The following DNMBP variants were observed in gnomAD, a reference collection of about 807,000 sequenced individuals.
The protein encoded by DNMBP is dynamin binding protein, also known as dynamin-binding protein.
In DNMBP, 87 loss-of-function variants were observed where a neutral mutation model predicts 150.0. That is an observed-to-expected ratio of 0.58 (90% confidence interval 0.49 to 0.69). DNMBP has a LOEUF of 0.69. DNMBP is among the 30% of genes least tolerant of loss of function. The pLI, the probability that DNMBP is intolerant of heterozygous loss-of-function variation, is 0.00. For synonymous variants in DNMBP, 711 were observed against 750.4 expected (o/e 0.95, Z 0.86); for missense variants, 1,774 against 1,949.0 (o/e 0.91, Z 1.69).
At chr10:99,980,858 T>C (rs1043589368) in intron 1 of DNMBP, among the ~76,000 whole-genome samples, 2 of 152,036 alleles carry the variant, frequency 1.3e-5, no homozygotes, top group Non-Finnish European at 2.9e-5. Context: ...GGACAAATAC[T>C]GCATGAATGA....
chr10:99,880,125 C>A lies in DNMBP; in HGVS notation c.4234G>T (p.Glu1412Ter). The A allele has an allele frequency of 6.2e-7, 1 of 1,614,174 alleles. No homozygotes were observed. The highest frequency in any genetic ancestry group is 8.5e-7 in the Non-Finnish European group (1 of 1,180,028). Residue 1412 changes from glutamate (E) to a stop codon, truncating the protein, a stop_gained, in exon 16 of 17, where the codon GAA becomes TAA. Transcript: ENST00000324109. LOFTEE classifies it high-confidence loss of function. ...QPQDASPPPK[E>*]CDQGTLSASL... Reference sequence around the variant, plus strand: ...GCACTGAGAGTTCCTTGGTCACATTCTTTTGGCGGAGGAGATGCATCTTGA... The same window carrying A: ...GCACTGAGAGTTCCTTGGTCACATTATTTTGGCGGAGGAGATGCATCTTGA...
At chr10:99,930,199 C>T (rs1418926817) in intron 4 of DNMBP, 3 of 702,774 alleles carry the variant, frequency 4.3e-6, no homozygotes. Context: ...CAACAATCCT[C>T]AAGATTATGG....
chr10:99,913,192 G>C (rs753163426), intron 4 of DNMBP, among the ~76,000 whole-genome samples: 2 of 152,112 alleles, frequency 1.3e-5, no homozygotes, highest in African/African-American at 4.8e-5. Context: ...TTCACCCCCA[G>C]CCAGCTGTGG....
chr10:99,960,669 G>T (rs191053022), intron 3 of DNMBP, among the ~76,000 whole-genome samples: 37 of 152,222 alleles, frequency 2.4e-4, no homozygotes, highest in Admixed American at 1.8e-3. Flanking sequence ...AGCCAGGTGG[G>T]GGGGTGCACG....
At chr10:99,959,013 C>T (rs762837834) in intron 3 of DNMBP, among the ~76,000 whole-genome samples, 1 of 152,184 alleles carries the variant, frequency 6.6e-6, no homozygotes, top group Non-Finnish European at 1.5e-5. Flanking sequence ...TTGTGTAAGG[C>T]TGGATTTTCT....
chr10:99,949,299 T>C (rs1451130067), intron 4 of DNMBP, among the ~76,000 whole-genome samples: 1 of 152,206 alleles, frequency 6.6e-6, no homozygotes, highest in Admixed American at 6.5e-5. Context: ...CACTGAATAA[T>C]AGATAAAACC....
At chr10:99,946,300 T>G (rs138301445) in intron 4 of DNMBP, among the ~76,000 whole-genome samples, 80 of 152,238 alleles carry the variant, frequency 5.3e-4, no homozygotes, top group Admixed American at 1.2e-3. Context: ...TCCACCAACA[T>G]CAACATAAAA....
intron 4 of DNMBP, among the ~76,000 whole-genome samples, chr10:99,937,873 TCAC>T (rs1212141340): frequency 3.9e-5 from 6 of 152,344 alleles, no homozygotes; most frequent in Middle Eastern, 3.4e-3. Context: ...AGGACAGCTT[TCAC>T]CACAAGTTAA....
At chr10:99,882,368 T>C (rs746041760) in intron 15 of DNMBP, among the ~76,000 whole-genome samples, 1 of 152,200 alleles carries the variant, frequency 6.6e-6, no homozygotes, top group Non-Finnish European at 1.5e-5. Context: ...CTGAATGATA[T>C]CTCTGCAAAG....
intron 4 of DNMBP, among the ~76,000 whole-genome samples, chr10:99,935,626 G>A (rs1312983215): frequency 6.6e-6 from 1 of 152,088 alleles, no homozygotes; most frequent in African/African-American, 2.4e-5. Flanking sequence ...GTGCAATGGT[G>A]CAACCTCAGC....
intron 6 of DNMBP, among the ~76,000 whole-genome samples, chr10:99,903,855 C>A (rs751058038): frequency 2.0e-4 from 31 of 152,162 alleles, no homozygotes; most frequent in Non-Finnish European, 4.3e-4. Flanking sequence ...TAATCTCTTT[C>A]AAACTCTGGG....
intron 16 of DNMBP, among the ~76,000 whole-genome samples, chr10:99,877,960 C>T (rs908505504): frequency 6.6e-6 from 1 of 151,934 alleles, no homozygotes; most frequent in Non-Finnish European, 1.5e-5. Context: ...CCATTTCTAC[C>T]AAAAACACGA....
At chr10:99,977,436 C>T (rs1057027675) in intron 1 of DNMBP, among the ~76,000 whole-genome samples, 8 of 152,190 alleles carry the variant, frequency 5.3e-5, no homozygotes, top group Admixed American at 5.2e-4. Flanking sequence ...AATCAGAACA[C>T]AGATGGGCTT....
intron 3 of DNMBP, 64 bp from the exon 4 acceptor site, chr10:99,957,269 A>C: frequency 7.1e-7 from 1 of 1,404,752 alleles, no homozygotes; most frequent in Admixed American, 2.0e-5. Context: ...TATCACGACT[A>C]ATAGTGCAAC....
At chr10:99,904,554 C>A (rs138412316) in intron 6 of DNMBP, among the ~76,000 whole-genome samples, 1 of 152,156 alleles carries the variant, frequency 6.6e-6, no homozygotes, top group African/African-American at 2.4e-5. Flanking sequence ...GAATCCCCCA[C>A]TGAACGCACG....
At chr10:99,886,732 C>CCTA in intron 12 of DNMBP, 100 bp from the exon 13 acceptor site, 3 of 1,132,962 alleles carry the variant, frequency 2.6e-6, no homozygotes, top group Non-Finnish European at 3.8e-6. Flanking sequence ...TCCTGAACCA[C>CCTA]CTACTTCGTT....
At chr10:99,900,152 AC>A in intron 6 of DNMBP, 86 bp from the exon 7 acceptor site, 1 of 1,390,674 alleles carries the variant, frequency 7.2e-7, no homozygotes, top group Non-Finnish European at 1.0e-6. Context: ...AAACTTTAGT[AC>A]CAGCTAAATC....
chr10:99,954,630 G>C (rs1444064732), intron 4 of DNMBP, among the ~76,000 whole-genome samples: 1 of 151,294 alleles, frequency 6.6e-6, no homozygotes, highest in African/African-American at 2.4e-5. Context: ...TGTAATCCCA[G>C]CTACTCAGGA....
intron 4 of DNMBP, among the ~76,000 whole-genome samples, chr10:99,912,477 TCCCCTGTG>T (rs990373380): frequency 1.3e-5 from 2 of 152,130 alleles, no homozygotes; most frequent in African/African-American, 4.8e-5. Context: ...CAGCGTGCCT[TCCCCTGTG>T]CCCCCACCCC....
Sources: allele counts gnomAD v4.1 joint callset (sites outside exome capture counted in the v4.1 genomes callset), GRCh38; gene constraint gnomAD v4.1.1; transcripts MANE v1.5; gene names NCBI Gene and HGNC (gene_info 2026-07-23, HGNC 2026-07-21).